PLEKHG1: variants seen among roughly 807,000 people sequenced by gnomAD.
PLEKHG1 encodes pleckstrin homology domain-containing family G member 1.
PLEKHG1 carries 44 observed loss-of-function variants against 100.8 expected under a neutral mutation model. That is an observed-to-expected ratio of 0.44 (90% CI 0.34 to 0.56). The LOEUF (loss-of-function observed/expected upper bound fraction) is 0.56, where lower values mean the gene tolerates loss of function less well. PLEKHG1 is among the 20% of genes least tolerant of loss of function. The pLI is 0.01. For synonymous variants in PLEKHG1, 640 were observed against 662.5 expected (o/e 0.97, Z 0.52); for missense variants, 1,545 against 1,720.9 (o/e 0.90, Z 1.81).
chr6:150,710,354 C>A (rs1781199504), intron 3 of PLEKHG1, among the ~76,000 whole-genome samples: 1 of 152,190 alleles, frequency 6.6e-6, no homozygotes, highest in Admixed American at 6.5e-5. Flanking sequence ...TCTTTTAGGG[C>A]TCCTTTGATG....
Position 150,765,448 on chromosome 6 carries a change from T to G in PLEKHG1, c.412-3190T>G, listed in dbSNP as rs186924663. Among the ~76,000 whole-genome samples the G allele has an allele frequency of 5.6e-4, 84 of 149,618 alleles. No homozygotes were observed. The Middle Eastern group carries it at 0.01, about 19-fold the overall frequency. On this transcript the variant is annotated intron_variant, in intron 2 of 15. Transcript: ENST00000358517. ...GGTGGAGGTCGTAGTGAGCCGAGAT[T>G]GTGCCACTGCACTCCAGCTTGGGTG...
intron 2 of PLEKHG1, among the ~76,000 whole-genome samples, chr6:150,756,587 G>A (rs181675084): frequency 1.0e-3 from 155 of 152,200 alleles, no homozygotes; most frequent in African/African-American, 3.5e-3. Flanking sequence ...ATTGCATCGC[G>A]ACTTTCAAGT....
intron 1 of PLEKHG1, chr6:150,605,547 C>T (rs1174915558): frequency 6.6e-6 from 1 of 152,156 alleles, no homozygotes; most frequent in Non-Finnish European, 1.5e-5. Flanking sequence ...ACCTACTATG[C>T]CTAGGATAAT....
At chr6:150,823,888 T>A (rs1776443108) in intron 14 of PLEKHG1, among the ~76,000 whole-genome samples, 1 of 152,210 alleles carries the variant, frequency 6.6e-6, no homozygotes, top group Non-Finnish European at 1.5e-5. Flanking sequence ...CCAGCCCACA[T>A]CTGAGAACCA....
chr6:150,629,657 C>A (rs1040347132), intron 1 of PLEKHG1, among the ~76,000 whole-genome samples: 1 of 152,276 alleles, frequency 6.6e-6, no homozygotes, highest in East Asian at 1.9e-4. Context: ...GAGGAGGTTT[C>A]ACCATATTGG....
chr6:150,766,599 T>C (rs1378044661), intron 2 of PLEKHG1, among the ~76,000 whole-genome samples: 1 of 152,220 alleles, frequency 6.6e-6, no homozygotes, highest in Admixed American at 6.5e-5. Context: ...ACGATCTGTT[T>C]TCTCAATAAT....
chr6:150,833,799 AC>A (rs1027371900), intron 15 of PLEKHG1, among the ~76,000 whole-genome samples: 5 of 152,208 alleles, frequency 3.3e-5, no homozygotes, highest in African/African-American at 1.2e-4. Context: ...AGTCTATTCT[AC>A]AATTAAAAGT....
chr6:150,645,092 A>G (rs1175250017), intron 2 of PLEKHG1, among the ~76,000 whole-genome samples: 2 of 152,230 alleles, frequency 1.3e-5, no homozygotes, highest in Non-Finnish European at 2.9e-5. Flanking sequence ...CTACAAAATC[A>G]TAGTTATTTA....
intron 3 of PLEKHG1, among the ~76,000 whole-genome samples, chr6:150,679,395 A>G (rs1779863219): frequency 6.6e-6 from 1 of 152,230 alleles, no homozygotes; most frequent in South Asian, 2.1e-4. Flanking sequence ...AATGTAAGTA[A>G]GGGAGAAATA....
intron 4 of PLEKHG1, among the ~76,000 whole-genome samples, chr6:150,790,830 T>C (rs1785928907): frequency 6.6e-6 from 1 of 152,102 alleles, no homozygotes; most frequent in Non-Finnish European, 1.5e-5. Context: ...AAGATCAGCT[T>C]GACCAACGTG....
intron 1 of PLEKHG1, among the ~76,000 whole-genome samples, chr6:150,722,349 C>CTTTTT (rs139069069): frequency 2.7e-3 from 244 of 90,662 alleles, no homozygotes; most frequent in Admixed American, 3.9e-3. Flanking sequence ...TTTTTCTTTT[C>CTTTTT]TTTTTTTTTT....
At chr6:150,833,985 G>A (rs925077013) in intron 15 of PLEKHG1, among the ~76,000 whole-genome samples, 2 of 152,112 alleles carry the variant, frequency 1.3e-5, no homozygotes, top group East Asian at 3.9e-4. Context: ...GAATGCACAA[G>A]TTACATAACA....
At chr6:150,750,576 C>T (rs1272057143) in intron 2 of PLEKHG1, among the ~76,000 whole-genome samples, 2 of 151,672 alleles carry the variant, frequency 1.3e-5, no homozygotes, top group Non-Finnish European at 2.9e-5. Flanking sequence ...GTCAGGAGAT[C>T]GAGACCATCC....
intron 15 of PLEKHG1, among the ~76,000 whole-genome samples, chr6:150,836,429 G>A (rs778139017): frequency 7.9e-5 from 12 of 151,930 alleles, no homozygotes; most frequent in Non-Finnish European, 1.3e-4. Flanking sequence ...AAAATTCTGA[G>A]TAATGAATTA....
intron 1 of PLEKHG1, among the ~76,000 whole-genome samples, chr6:150,636,198 T>C (rs1401423679): frequency 1.2e-4 from 19 of 152,204 alleles, no homozygotes. Flanking sequence ...AAAGTATTAA[T>C]GCTCATGAAA....
chr6:150,621,539 T>C (rs1777301687), intron 1 of PLEKHG1, among the ~76,000 whole-genome samples: 2 of 152,108 alleles, frequency 1.3e-5, no homozygotes, highest in Non-Finnish European at 2.9e-5. Context: ...CACACCCAGC[T>C]AATTTTTCTA....
chr6:150,692,068 C>A (rs1780366873), intron 3 of PLEKHG1, among the ~76,000 whole-genome samples: 1 of 152,222 alleles, frequency 6.6e-6, no homozygotes, highest in African/African-American at 2.4e-5. Context: ...TCAATCCCAA[C>A]TGAAGTCACT....
chr6:150,759,288 G>T (rs1451734077), intron 2 of PLEKHG1, among the ~76,000 whole-genome samples: 1 of 152,200 alleles, frequency 6.6e-6, no homozygotes, highest in Non-Finnish European at 1.5e-5. Flanking sequence ...TACCGCATGT[G>T]AATGGGACTG....
rs1327020702 is a variant in PLEKHG1, at chr6:150,674,678, TCTCTCC to T, written c.-99+23894_-99+23899del. ...CTCTCTCTCTCTCTCTCTCTCTCTCTCTCTCCCCCCTCTTCTCTTCTTTCCATGGAG... is the reference window on the plus strand; with the variant it reads ...CTCTCTCTCTCTCTCTCTCTCTCTCTCCCCTCTTCTCTTCTTTCCATGGAG... On this transcript the variant is annotated intron_variant, in intron 3 of 3. Coordinates refer to the PLEKHG1 transcript ENST00000367326. Among the ~76,000 whole-genome samples the T allele has an allele frequency of 2.6e-3, 359 of 138,642 alleles. 9 individuals are homozygous for T. Among genetic ancestry groups the T allele is most frequent in the African/African-American group, 7.8e-3 (276 of 35,206 alleles). The allele number at this position is 138,642 out of a possible 152,430, so 91.0% of individuals were successfully genotyped here. A position where few individuals can be genotyped will look rare whatever the true frequency, so the allele number is the denominator to read the frequency against.
Sources: allele counts gnomAD v4.1 joint callset (sites outside exome capture counted in the v4.1 genomes callset), GRCh38; gene constraint gnomAD v4.1.1; transcripts MANE v1.5; gene names NCBI Gene and HGNC (gene_info 2026-07-23, HGNC 2026-07-21).